MAGI2: variants seen among roughly 807,000 people sequenced by gnomAD.
MAGI2 encodes the protein membrane-associated guanylate kinase, WW and PDZ domain-containing protein 2.
In MAGI2, 35 loss-of-function variants were observed where a neutral mutation model predicts 133.3. The observed-to-expected ratio is 0.26, with a 90% CI of 0.20 to 0.35. MAGI2 has a LOEUF of 0.35. Among genes scored for constraint, MAGI2 ranks in the 10% least tolerant of loss-of-function variants. The pLI is 1.00. For synonymous variants in MAGI2, 729 were observed against 710.6 expected, an observed-to-expected ratio of 1.03 and a Z score of -0.41; for missense variants, 1,636 against 1,863.4, an observed-to-expected ratio of 0.88 and a Z score of 2.25.
chr7:78,412,909 A>C (rs1797990541), intron 6 of MAGI2, among the ~76,000 whole-genome samples: 1 of 152,102 alleles, frequency 6.6e-6, no homozygotes, highest in African/African-American at 2.4e-5. Flanking sequence ...AAATATAAAC[A>C]TATGAATGCT....
At chr7:78,237,123 A>G (rs12674199) in intron 10 of MAGI2, among the ~76,000 whole-genome samples, 44,403 of 151,928 alleles carry the variant, frequency 0.29, 7,557 homozygotes, top group Non-Finnish European at 0.37. Flanking sequence ...TCATCCTGTT[A>G]TACACATAGA....
intron 1 of MAGI2, among the ~76,000 whole-genome samples, chr7:79,128,964 G>A (rs529672505): frequency 1.3e-4 from 20 of 152,190 alleles, no homozygotes; most frequent in African/African-American, 4.8e-4. Flanking sequence ...TCCATCTCTC[G>A]AGTTCCAGCG....
At chr7:78,684,274 C>A (rs1251924891) in intron 2 of MAGI2, among the ~76,000 whole-genome samples, 2 of 152,064 alleles carry the variant, frequency 1.3e-5, no homozygotes, top group Non-Finnish European at 2.9e-5. Flanking sequence ...TATAAGCCTT[C>A]TAGGAAAGTA....
chr7:78,410,236 CTT>C (rs1419183032), intron 6 of MAGI2, among the ~76,000 whole-genome samples: 1 of 152,038 alleles, frequency 6.6e-6, no homozygotes, highest in Non-Finnish European at 1.5e-5. Flanking sequence ...TTGGCGAAGA[CTT>C]TACAGAATAA....
At chr7:78,957,899 C>T (rs1409749903) in intron 2 of MAGI2, among the ~76,000 whole-genome samples, 1 of 152,114 alleles carries the variant, frequency 6.6e-6, no homozygotes, top group East Asian at 1.9e-4. Context: ...TCAGAGGTTC[C>T]ACAATTACCA....
intron 1 of MAGI2, among the ~76,000 whole-genome samples, chr7:79,408,480 C>T (rs557163733): frequency 1.3e-5 from 2 of 148,672 alleles, no homozygotes; most frequent in Admixed American, 1.3e-4. Context: ...TACTATAGGA[C>T]AAAAGAAAAA....
chr7:78,745,815 T>G (rs1050388928), intron 2 of MAGI2, among the ~76,000 whole-genome samples: 1 of 152,212 alleles, frequency 6.6e-6, no homozygotes, highest in East Asian at 1.9e-4. Context: ...TGCTTGGTAT[T>G]CTAGGCATCT....
At position 79,215,905 on chromosome 7, in the gene MAGI2, A is replaced by G. The variant is rs1474449119; in HGVS notation, c.302-208699T>C. 2.0e-5 allele frequency among the ~76,000 whole-genome samples: 3 copies of G among 151,816 alleles called. 1 individual carries two copies. The highest frequency in any genetic ancestry group is 7.3e-5 in the African/African-American group (3 of 41,208). Reference sequence around the variant, plus strand: ...TTGGTTTACACATTTTTACATATATATATATTCCATGACATGGAATACTTT... The same window carrying G: ...TTGGTTTACACATTTTTACATATATGTATATTCCATGACATGGAATACTTT... On this transcript the variant is annotated intron_variant, in intron 1 of 21. Transcript: ENST00000354212.
chr7:78,877,961 T>C (rs990889934), intron 2 of MAGI2, among the ~76,000 whole-genome samples: 2 of 152,202 alleles, frequency 1.3e-5, no homozygotes, highest in Non-Finnish European at 2.9e-5. Flanking sequence ...TTTACATTTT[T>C]ATACATATGT....
chr7:78,855,599 G>T (rs1431027948), intron 2 of MAGI2, among the ~76,000 whole-genome samples: 1 of 152,076 alleles, frequency 6.6e-6, no homozygotes, highest in Non-Finnish European at 1.5e-5. Flanking sequence ...TGTTTTTATG[G>T]CTGCATAGTA....
intron 6 of MAGI2, among the ~76,000 whole-genome samples, chr7:78,454,169 A>G (rs577334961): frequency 6.6e-6 from 1 of 152,242 alleles, no homozygotes; most frequent in Non-Finnish European, 1.5e-5. Context: ...TGATTACTCC[A>G]TCGCATGAGT....
At chr7:78,519,821 A>C (rs1185109306) in intron 4 of MAGI2, among the ~76,000 whole-genome samples, 1 of 152,246 alleles carries the variant, frequency 6.6e-6, no homozygotes, top group Non-Finnish European at 1.5e-5. Flanking sequence ...ACAAGATGTT[A>C]ACCAGTAAGA....
intron 10 of MAGI2, among the ~76,000 whole-genome samples, chr7:78,216,229 G>C (rs1242029963): frequency 2.0e-5 from 3 of 152,184 alleles, no homozygotes; most frequent in Non-Finnish European, 4.4e-5. Flanking sequence ...AGGTCCTGTG[G>C]TTATTTTCTA....
chr7:78,915,579 A>G (rs1798727971), intron 2 of MAGI2, among the ~76,000 whole-genome samples: 1 of 152,088 alleles, frequency 6.6e-6, no homozygotes. Context: ...CTATGAATTT[A>G]TAATTATTTC....
intron 10 of MAGI2, 148 bp downstream of exon 10, chr7:78,255,795 A>C: frequency 1.3e-6 from 1 of 786,446 alleles, no homozygotes; most frequent in Non-Finnish European, 2.0e-6. Flanking sequence ...GTTTCCTTTA[A>C]TTCATGTTTT....
intron 9 of MAGI2, among the ~76,000 whole-genome samples, chr7:78,274,589 A>G (rs369360681): frequency 2.0e-5 from 3 of 151,156 alleles, no homozygotes; most frequent in Non-Finnish European, 4.4e-5. Context: ...GGTTTTATCT[A>G]TAAGTCCCTG....
chr7:79,423,690 G>A (rs1847135479), intron 1 of MAGI2, among the ~76,000 whole-genome samples: 2 of 152,058 alleles, frequency 1.3e-5, no homozygotes, highest in Admixed American at 1.3e-4. Context: ...GTTTGAAGAT[G>A]GCAGAGCAGA....
At chr7:78,545,714 G>A (rs1260864136) in intron 3 of MAGI2, among the ~76,000 whole-genome samples, 2 of 152,040 alleles carry the variant, frequency 1.3e-5, no homozygotes, top group African/African-American at 2.4e-5. Context: ...AAATACTCCG[G>A]CTAATTTTCA....
At chr7:79,432,069 TGGAATGTAGCTAA>T (rs1271727165) in intron 1 of MAGI2, among the ~76,000 whole-genome samples, 1 of 152,208 alleles carries the variant, frequency 6.6e-6, no homozygotes, top group Admixed American at 6.5e-5. Flanking sequence ...CCTGTTTTCC[TGGAATGTAGCTAA>T]GGCTTCAAAG....
Sources: gnomAD v4.1 joint callset for allele counts (sites outside exome capture counted in the v4.1 genomes callset) on GRCh38, gnomAD v4.1.1 for gene constraint, MANE v1.5 for transcripts, NCBI Gene and HGNC (gene_info 2026-07-23, HGNC 2026-07-21) for gene names.